Variants in PRKG1 observed in about 807,000 individuals in gnomAD.
The protein encoded by PRKG1 is cGMP-dependent protein kinase 1.
In PRKG1, 35 loss-of-function variants were observed where a neutral mutation model predicts 88.1. The observed-to-expected ratio is 0.40, with a 90% confidence interval of 0.30 to 0.53. PRKG1 has a LOEUF of 0.53. PRKG1 is among the 20% of genes least tolerant of loss of function. The pLI is 0.59. For synonymous variants in PRKG1, 303 were observed against 292.5 expected (o/e 1.04, Z -0.37); for missense variants, 540 against 839.8 (o/e 0.64, Z 4.41).
At chr10:51,605,330 G>A (rs1792859528) in intron 3 of PRKG1, among the ~76,000 whole-genome samples, 1 of 152,166 alleles carries the variant, frequency 6.6e-6, no homozygotes, top group South Asian at 2.1e-4. Context: ...AGGTCCGTAG[G>A]CACAGGCCCG....
chr10:51,330,152 A>C (rs1402066122), intron 2 of PRKG1, among the ~76,000 whole-genome samples: 1 of 116,030 alleles, frequency 8.6e-6, no homozygotes, highest in Non-Finnish European at 1.9e-5. Context: ...TTTATTTTTT[A>C]TTTATTTTTT....
chr10:51,524,363 C>G (rs927109758), intron 3 of PRKG1, among the ~76,000 whole-genome samples: 2 of 152,034 alleles, frequency 1.3e-5, no homozygotes, highest in African/African-American at 4.8e-5. Flanking sequence ...GCTAAAAGGA[C>G]CAAATAGTAA....
At chr10:51,627,263 G>T in intron 3 of PRKG1, among the ~76,000 whole-genome samples, 1 of 152,120 alleles carries the variant, frequency 6.6e-6, no homozygotes, top group East Asian at 1.9e-4. Flanking sequence ...AGGTAGTTCA[G>T]CTTACTAGGA....
chr10:51,400,178 T>G (rs998732712), intron 2 of PRKG1, among the ~76,000 whole-genome samples: 1 of 152,200 alleles, frequency 6.6e-6, no homozygotes, highest in Non-Finnish European at 1.5e-5. Context: ...GAGCAATGAT[T>G]AAGACAGACA....
chr10:51,977,955 G>A (rs1489162669), intron 5 of PRKG1, among the ~76,000 whole-genome samples: 2 of 151,866 alleles, frequency 1.3e-5, no homozygotes, highest in Non-Finnish European at 2.9e-5. Context: ...CTTTTATTTT[G>A]CAGAAACTCT....
At chr10:51,982,403 G>A (rs899425308) in intron 5 of PRKG1, among the ~76,000 whole-genome samples, 2 of 152,232 alleles carry the variant, frequency 1.3e-5, no homozygotes, top group African/African-American at 4.8e-5. Context: ...TTTCTGAGTT[G>A]TCAGAGTTCT....
rs183089329 is a variant in PRKG1 at position 51,390,159 on chromosome 10, G to T, written c.479-77564G>T. Reference sequence around the variant, plus strand: ...TACAGCATTTAAGGCAGAATCATGTGGAACACATCCAAAGTGCAAAACTCT... The same window carrying T: ...TACAGCATTTAAGGCAGAATCATGTTGAACACATCCAAAGTGCAAAACTCT... On this transcript the variant is annotated intron_variant, in intron 2 of 17. Coordinates refer to ENST00000373980, the MANE Select transcript of PRKG1 (RefSeq NM_006258.4). Among the ~76,000 whole-genome samples the T allele has an allele frequency of 3.9e-4, 59 of 152,296 alleles. No individual in the cohort carries two copies. In the Middle Eastern group the frequency reaches 0.01, roughly 26 times the overall value.
At chr10:52,024,409 C>T (rs566655595) in intron 5 of PRKG1, among the ~76,000 whole-genome samples, 3 of 151,386 alleles carry the variant, frequency 2.0e-5, no homozygotes, top group African/African-American at 2.4e-5. Context: ...ATACATGTGC[C>T]GTGTTGGTTT....
intron 2 of PRKG1, among the ~76,000 whole-genome samples, chr10:51,247,348 T>C (rs1839317765): frequency 6.6e-6 from 1 of 152,028 alleles, no homozygotes; most frequent in Admixed American, 6.6e-5. Context: ...TAATTGTGCA[T>C]CTGAAACTTA....
intron 3 of PRKG1, among the ~76,000 whole-genome samples, chr10:51,638,691 G>A (rs1193893073): frequency 1.3e-5 from 2 of 152,146 alleles, no homozygotes; most frequent in South Asian, 2.1e-4. Flanking sequence ...ATATGTGCAG[G>A]AGAGCCTGTC....
At position 52,105,325 on chromosome 10, in the gene PRKG1, C is replaced by T. The variant is rs1430646115; in HGVS notation, c.936-28515C>T. On this transcript the variant is annotated intron_variant, in intron 7 of 17. Transcript: ENST00000373980. Reference sequence around the variant, plus strand: ...AGTTTTTAGGTCGCTGGATTACTTGCGTTTTACAGTTGGTTCTTTGTAAAC... The same window carrying T: ...AGTTTTTAGGTCGCTGGATTACTTGTGTTTTACAGTTGGTTCTTTGTAAAC... 3.3e-5 allele frequency among the ~76,000 whole-genome samples: 5 copies of T among 152,156 alleles called. No individual in the cohort carries two copies. The East Asian group carries it at 5.8e-4, about 18-fold the overall frequency.
intron 9 of PRKG1, among the ~76,000 whole-genome samples, chr10:52,209,212 C>G (rs893415153): frequency 6.6e-6 from 1 of 152,068 alleles, no homozygotes; most frequent in Non-Finnish European, 1.5e-5. Context: ...CTACTTAGCT[C>G]TGTTGTTGTA....
intron 7 of PRKG1, among the ~76,000 whole-genome samples, chr10:52,105,026 T>C (rs2132575111): frequency 6.6e-6 from 1 of 152,322 alleles, no homozygotes; most frequent in South Asian, 2.1e-4. Context: ...AGACAATAAA[T>C]ATAATGGACA....
chr10:51,870,512 T>C (rs1349166718), intron 4 of PRKG1, among the ~76,000 whole-genome samples: 1 of 151,970 alleles, frequency 6.6e-6, no homozygotes, highest in Non-Finnish European at 1.5e-5. Flanking sequence ...CTGCAATTAA[T>C]CTTATCAGTT....
intron 3 of PRKG1, among the ~76,000 whole-genome samples, chr10:51,500,979 G>C (rs879900919): frequency 1.3e-5 from 2 of 152,078 alleles, no homozygotes; most frequent in Non-Finnish European, 1.5e-5. Context: ...ACAGGACCCA[G>C]GGAAGTTCTG....
rs1176319276 is a variant in PRKG1 at position 51,979,420 on chromosome 10, T to TG, written c.762+71850_762+71851insG. Among the ~76,000 whole-genome samples, 599 of 137,014 alleles carry TG rather than the reference T, an allele frequency of 4.4e-3. 10 individuals carry two copies. Among genetic ancestry groups the TG allele is most frequent in the African/African-American group, 0.015 (576 of 37,266 alleles). 89.9% of individuals were successfully genotyped at this position (137,014 alleles called of 152,430 possible). On this transcript the variant is annotated intron_variant, in intron 5 of 17. Coordinates refer to ENST00000373980, the MANE Select transcript of PRKG1 (RefSeq NM_006258.4). ...CATGGATATTGGTCTGTTTTTTTTT[T>TG]TTTTTTTTTTTTTTCTGTTTTGTCT...
intron 8 of PRKG1, among the ~76,000 whole-genome samples, chr10:52,143,288 A>G (rs546786954): frequency 1.3e-5 from 2 of 152,136 alleles, no homozygotes; most frequent in South Asian, 4.2e-4. Flanking sequence ...CCTGAAGCAC[A>G]CCACTATTGA....
At position 51,276,983 on chromosome 10, in the gene PRKG1, T is replaced by A. The variant is rs542752783; in HGVS notation, c.478+123653T>A. On this transcript the variant is annotated intron_variant, in intron 2 of 17. Coordinates refer to ENST00000373980, the MANE Select transcript of PRKG1 (RefSeq NM_006258.4). ...TAGTTTAATTAGATCCCATTTGTCATTTTTGGCTTTTGTTGCCATTGCTTT... is the reference window on the plus strand; with the variant it reads ...TAGTTTAATTAGATCCCATTTGTCAATTTTGGCTTTTGTTGCCATTGCTTT... Among the ~76,000 whole-genome samples the A allele has an allele frequency of 3.2e-3, 494 of 152,190 alleles. 1 individual carries two copies. Among genetic ancestry groups the A allele is most frequent in the Non-Finnish European group, 5.2e-3 (353 of 67,966 alleles).
At chr10:51,815,493 T>C (rs1839560762) in intron 4 of PRKG1, among the ~76,000 whole-genome samples, 1 of 152,074 alleles carries the variant, frequency 6.6e-6, no homozygotes, top group Non-Finnish European at 1.5e-5. Flanking sequence ...TGGAGAGAAA[T>C]CTGATAGAGA....
Sources: gnomAD v4.1 joint callset for allele counts (sites outside exome capture counted in the v4.1 genomes callset) on GRCh38, gnomAD v4.1.1 for gene constraint, MANE v1.5 for transcripts, NCBI Gene and HGNC (gene_info 2026-07-23, HGNC 2026-07-21) for gene names.